LRMDA: variants seen among roughly 807,000 people sequenced by gnomAD.
LRMDA encodes the protein leucine-rich melanocyte differentiation-associated protein.
Under a neutral mutation model 29.8 loss-of-function variants are expected in LRMDA, and 18 were observed. The ratio of observed to expected loss-of-function variants is 0.60; its 90% CI spans 0.42 to 0.90. LRMDA has a LOEUF of 0.90. Among genes scored for constraint, LRMDA ranks in the 40% least tolerant of loss-of-function variants. The probability of loss-of-function intolerance (pLI) is 0.00; values close to 1 mark genes in which losing one functional copy is unlikely to be tolerated. For synonymous variants in LRMDA, 125 were observed against 109.4 expected (o/e 1.14, Z -0.89); for missense variants, 273 against 273.9 (o/e 1.00, Z 0.02).
rs143542942 is a variant in LRMDA at position 76,159,015 on chromosome 10, T to C, written c.516+100232T>C. Among the ~76,000 whole-genome samples the C allele has an allele frequency of 8.9e-3, 1,355 of 152,136 alleles. 15 individuals are homozygous for C. Among genetic ancestry groups the C allele is most frequent in the Non-Finnish European group, 0.013 (912 of 67,982 alleles). ...CAAAAGGAATAAAACTTAAAGAAAATCATATGGTAAGTAGAATATGTACAA... is the reference window on the plus strand; with the variant it reads ...CAAAAGGAATAAAACTTAAAGAAAACCATATGGTAAGTAGAATATGTACAA... On this transcript the variant is annotated intron_variant, in intron 5 of 6. Coordinates refer to ENST00000611255, the MANE Select transcript of LRMDA (RefSeq NM_001305581.2).
intron 6 of LRMDA, among the ~76,000 whole-genome samples, chr10:76,335,916 T>A (rs1359755242): frequency 6.6e-6 from 1 of 152,156 alleles, no homozygotes; most frequent in African/African-American, 2.4e-5. Flanking sequence ...GAGGAGGGCA[T>A]AATGAGGCAT....
chr10:76,088,816 A>G (rs956328627), intron 5 of LRMDA, among the ~76,000 whole-genome samples: 2 of 152,136 alleles, frequency 1.3e-5, no homozygotes, highest in Non-Finnish European at 2.9e-5. Context: ...TCTTCTTCCC[A>G]TATTCTAGAA....
intron 2 of LRMDA, among the ~76,000 whole-genome samples, chr10:75,857,167 T>C (rs984433555): frequency 1.7e-4 from 26 of 152,360 alleles, no homozygotes; most frequent in African/African-American, 5.0e-4. Flanking sequence ...AGATTTGTGC[T>C]GAGGATTAAA....
At chr10:75,991,454 G>C (rs969193106) in intron 2 of LRMDA, among the ~76,000 whole-genome samples, 7 of 152,166 alleles carry the variant, frequency 4.6e-5, no homozygotes, top group African/African-American at 9.6e-5. Flanking sequence ...GGGTTTGGTT[G>C]AATCTCTACA....
chr10:76,079,033 A>G (rs1849009099), intron 5 of LRMDA, among the ~76,000 whole-genome samples: 1 of 152,148 alleles, frequency 6.6e-6, no homozygotes, highest in Admixed American at 6.5e-5. Context: ...AAGGAACTAA[A>G]ACAGCCTTAG....
intron 2 of LRMDA, among the ~76,000 whole-genome samples, chr10:75,620,481 A>G (rs756170692): frequency 3.3e-5 from 5 of 152,094 alleles, no homozygotes; most frequent in African/African-American, 4.8e-5. Flanking sequence ...ATTTTAGGTT[A>G]GTATTATTTC....
At chr10:75,454,753 A>C (rs1844496521) in intron 2 of LRMDA, among the ~76,000 whole-genome samples, 1 of 152,146 alleles carries the variant, frequency 6.6e-6, no homozygotes, top group African/African-American at 2.4e-5. Flanking sequence ...TTCCAGTTGT[A>C]ATTGGATATA....
At chr10:76,055,364 C>A (rs1419970173) in intron 4 of LRMDA, among the ~76,000 whole-genome samples, 2 of 152,188 alleles carry the variant, frequency 1.3e-5, no homozygotes, top group African/African-American at 2.4e-5. Flanking sequence ...TTCCTGCAGA[C>A]CTCTAAACTA....
At chr10:76,106,138 G>A (rs1849480808) in intron 5 of LRMDA, among the ~76,000 whole-genome samples, 2 of 152,196 alleles carry the variant, frequency 1.3e-5, no homozygotes, top group Non-Finnish European at 2.9e-5. Context: ...AGCATGTGCC[G>A]AATGAGTCCA....
At chr10:75,440,388 G>A (rs1201756680) in intron 2 of LRMDA, among the ~76,000 whole-genome samples, 1 of 151,810 alleles carries the variant, frequency 6.6e-6, no homozygotes, top group African/African-American at 2.4e-5. Flanking sequence ...CCGTGTTGTG[G>A]TCAGTGTGTG....
chr10:75,904,550 A>G (rs1845727758), intron 2 of LRMDA, among the ~76,000 whole-genome samples: 1 of 152,206 alleles, frequency 6.6e-6, no homozygotes, highest in Non-Finnish European at 1.5e-5. Context: ...CCCTGTAGCC[A>G]TAAATAAGCT....
chr10:75,858,628 C>G (rs1223352307), intron 2 of LRMDA, among the ~76,000 whole-genome samples: 1 of 151,866 alleles, frequency 6.6e-6, no homozygotes, highest in African/African-American at 2.4e-5. Flanking sequence ...ACTTCCCATC[C>G]CCCTCCTTTC....
At chr10:75,804,456 C>T (rs1031860935) in intron 2 of LRMDA, among the ~76,000 whole-genome samples, 2 of 152,160 alleles carry the variant, frequency 1.3e-5, no homozygotes, top group Admixed American at 1.3e-4. Flanking sequence ...TGACTGGTGA[C>T]AAAAAATCAG....
At chr10:75,916,193 T>TGGGTGG (rs1554833958) in intron 2 of LRMDA, among the ~76,000 whole-genome samples, 24 of 140,150 alleles carry the variant, frequency 1.7e-4, no homozygotes, top group East Asian at 6.3e-4. Context: ...TGTGTGTGTG[T>TGGGTGG]GTGGGTGGGT....
intron 2 of LRMDA, among the ~76,000 whole-genome samples, chr10:75,801,030 C>T (rs1350762452): frequency 6.6e-6 from 1 of 152,158 alleles, no homozygotes; most frequent in Non-Finnish European, 1.5e-5. Context: ...AGGTGTCTTC[C>T]TTCAGGAGTT....
At chr10:76,409,110 A>G (rs1439468671) in intron 6 of LRMDA, among the ~76,000 whole-genome samples, 3 of 152,160 alleles carry the variant, frequency 2.0e-5, no homozygotes, top group South Asian at 2.1e-4. Flanking sequence ...TGTCCAGGTG[A>G]TTTTAAATAA....
intron 5 of LRMDA, among the ~76,000 whole-genome samples, chr10:76,221,462 T>G (rs1397212546): frequency 6.6e-6 from 1 of 152,238 alleles, no homozygotes; most frequent in Non-Finnish European, 1.5e-5. Flanking sequence ...ATCACAAGCA[T>G]TCTTATACAC....
intron 3 of LRMDA, among the ~76,000 whole-genome samples, chr10:76,045,133 C>T (rs929122571): frequency 1.9e-4 from 28 of 149,666 alleles, no homozygotes; most frequent in Middle Eastern, 3.4e-3. Context: ...TTGCTAGTTT[C>T]CCCCTCTCTT....
At position 76,383,020 on chromosome 10, in the gene LRMDA, G is replaced by A. The variant is rs1294249851; in HGVS notation, c.601+58535G>A. On this transcript the variant is annotated intron_variant, in intron 6 of 6. Coordinates refer to ENST00000611255, the MANE Select transcript of LRMDA (RefSeq NM_001305581.2). ...TTTAGTGGGTTTTATAGGAGCCACA[G>A]TCACTGCACTAACCATTGTGAAAAA... Among the ~76,000 whole-genome samples the A allele has an allele frequency of 1.3e-5, 2 of 152,206 alleles. 1 individual carries two copies. Among genetic ancestry groups the A allele is most frequent in the South Asian group, 4.1e-4 (2 of 4,830 alleles).
Sources: allele counts gnomAD v4.1 joint callset (sites outside exome capture counted in the v4.1 genomes callset), GRCh38; gene constraint gnomAD v4.1.1; transcripts MANE v1.5; gene names NCBI Gene and HGNC (gene_info 2026-07-23, HGNC 2026-07-21).